TRAPPC9: variants seen among roughly 807,000 people sequenced by gnomAD.
TRAPPC9 encodes trafficking protein particle complex subunit 9.
A neutral mutation model predicts 124.0 loss-of-function variants in TRAPPC9; 83 were observed. The ratio of observed to expected loss-of-function variants is 0.67; its 90% CI spans 0.56 to 0.80. The LOEUF is 0.80. Ranked by LOEUF, TRAPPC9 falls within the 30% of genes least tolerant of loss-of-function variation. The pLI is 0.00. For missense variants in TRAPPC9, 1,302 were observed against 1,508.3 expected, an observed-to-expected ratio of 0.86 and a Z score of 2.27; for synonymous variants, 638 against 617.5, an observed-to-expected ratio of 1.03 and a Z score of -0.49.
intron 21 of TRAPPC9, among the ~76,000 whole-genome samples, chr8:139,822,319 G>A (rs901375938): frequency 6.6e-6 from 1 of 152,182 alleles, no homozygotes; most frequent in Non-Finnish European, 1.5e-5. Flanking sequence ...AGTGACATAT[G>A]AGGAGATGAT....
chr8:140,069,154 C>G (rs1417934308), intron 17 of TRAPPC9, among the ~76,000 whole-genome samples: 1 of 152,204 alleles, frequency 6.6e-6, no homozygotes, highest in Admixed American at 6.5e-5. Flanking sequence ...TTAAAGAATG[C>G]AAGCATAACA....
chr8:139,965,167 C>T (rs1350714164), intron 19 of TRAPPC9, among the ~76,000 whole-genome samples: 3 of 152,218 alleles, frequency 2.0e-5, no homozygotes, highest in African/African-American at 2.4e-5. Context: ...GCAAGGATGA[C>T]GGCCCATTCA....
chr8:140,309,714 C>T (rs771583930), intron 10 of TRAPPC9, among the ~76,000 whole-genome samples: 1 of 152,238 alleles, frequency 6.6e-6, no homozygotes, highest in Admixed American at 6.5e-5. Flanking sequence ...CAAATGCATT[C>T]GGCTCTAAGT....
In TRAPPC9 at chr8:139,729,269, G is replaced by A. The variant is rs1469523230; in HGVS notation, c.*1792C>T. Among the ~76,000 whole-genome samples the A allele has an allele frequency of 6.6e-6, 1 of 152,250 alleles. No homozygotes were observed. The highest frequency in any genetic ancestry group is 1.9e-4 in the East Asian group (1 of 5,198). On this transcript the variant is annotated 3_prime_UTR_variant, in exon 23 of 23. Transcript: ENST00000438773. ...GGGGGACATTGTCTACACAAGTGAG[G>A]TTGGGCTGAGCCCATCATCCTGCAA...
chr8:139,938,997 C>T lies in TRAPPC9; in HGVS notation c.2811-28697G>A, dbSNP rs1833723755. 3.3e-5 allele frequency among the ~76,000 whole-genome samples: 5 copies of T among 152,182 alleles called. No homozygotes were observed. In the South Asian group the frequency reaches 1.0e-3, roughly 32 times the overall value. On this transcript the variant is annotated intron_variant, in intron 19 of 22. Coordinates refer to ENST00000438773, the MANE Select transcript of TRAPPC9 (RefSeq NM_001160372.4). ...AGAAATAAGACAAATGAATAAAGTG[C>T]CATGTCCTCAGATTCAGCTCCTCCA...
intron 15 of TRAPPC9, among the ~76,000 whole-genome samples, chr8:140,268,749 C>T (rs1380136748): frequency 1.3e-5 from 2 of 152,150 alleles, no homozygotes; most frequent in Non-Finnish European, 2.9e-5. Flanking sequence ...CTGGAGAGAA[C>T]CACAGAAAAC....
intron 21 of TRAPPC9, among the ~76,000 whole-genome samples, chr8:139,775,123 C>G (rs1392054105): frequency 6.6e-6 from 1 of 152,174 alleles, no homozygotes; most frequent in African/African-American, 2.4e-5. Context: ...CTAGCCCTGA[C>G]TGGGCGGGAC....
intron 17 of TRAPPC9, among the ~76,000 whole-genome samples, chr8:140,184,437 TA>T (rs1461127811): frequency 6.6e-6 from 1 of 152,150 alleles, no homozygotes; most frequent in Non-Finnish European, 1.5e-5. Context: ...ATACCTTTAT[TA>T]TTTTTTTCTC....
intron 17 of TRAPPC9, among the ~76,000 whole-genome samples, chr8:140,052,120 C>G (rs1842037220): frequency 6.6e-6 from 1 of 152,098 alleles, no homozygotes; most frequent in South Asian, 2.1e-4. Flanking sequence ...AGGGGTGCGG[C>G]CTTCTGCATT....
At chr8:140,217,615 A>G (rs1587946788) in intron 17 of TRAPPC9, among the ~76,000 whole-genome samples, 1 of 152,112 alleles carries the variant, frequency 6.6e-6, no homozygotes, top group Non-Finnish European at 1.5e-5. Context: ...ACATGTAAAC[A>G]CCTGCTCCCC....
chr8:139,906,748 C>T (rs1233954988), intron 20 of TRAPPC9, among the ~76,000 whole-genome samples: 1 of 152,142 alleles, frequency 6.6e-6, no homozygotes, highest in Non-Finnish European at 1.5e-5. Flanking sequence ...GTACTCCCTT[C>T]GCTCAGGCCC....
At chr8:140,040,518 C>T (rs1841200439) in intron 17 of TRAPPC9, 1 of 152,372 alleles carries the variant, frequency 6.6e-6, no homozygotes, top group South Asian at 2.1e-4. Context: ...GCTCAGCCTC[C>T]CGAGTAGCTG....
chr8:139,910,479 A>G (rs1435296269), intron 19 of TRAPPC9, among the ~76,000 whole-genome samples, 179 bp from the exon 20 acceptor site: 1 of 152,214 alleles, frequency 6.6e-6, no homozygotes, highest in Admixed American at 6.5e-5. Context: ...CTGACTTCAG[A>G]GCTGGTTCAA....
chr8:139,772,924 C>T (rs1312246870), intron 21 of TRAPPC9, among the ~76,000 whole-genome samples: 2 of 152,268 alleles, frequency 1.3e-5, no homozygotes, highest in African/African-American at 2.4e-5. Context: ...GAAACCAATG[C>T]TGCCGACATT....
In TRAPPC9 at chr8:140,364,393, G is replaced by A. The variant is rs540781164; in HGVS notation, c.1352-4200C>T. Among the ~76,000 whole-genome samples, 18 of 150,636 alleles carry A rather than the reference G, an allele frequency of 1.2e-4. No homozygotes were observed. The East Asian group carries it at 3.3e-3, about 28-fold the overall frequency. On this transcript the variant is annotated intron_variant, in intron 8 of 22. Coordinates refer to ENST00000438773, the MANE Select transcript of TRAPPC9 (RefSeq NM_001160372.4). Reference sequence around the variant, plus strand: ...GGAATTCCATTCACAAGTGCACATAGAAATCTATTAAAATACACTTTCTTA... The same window carrying A: ...GGAATTCCATTCACAAGTGCACATAAAAATCTATTAAAATACACTTTCTTA...
rs2070435553 is a variant in TRAPPC9 at position 140,426,722 on chromosome 8, A to T, written c.860-81T>A. ...AATAACTACTAAAACACATTTCATA[A>T]TTCACATAGCCTAGAGAAAAATCTG... On this transcript the variant is annotated intron_variant, in intron 4 of 22. Transcript: ENST00000438773. 2.9e-6 allele frequency: 4 copies of T among 1,379,292 alleles called. No individual in the cohort carries two copies. The East Asian group carries it at 9.2e-5, about 32-fold the overall frequency. The allele number at this position is 1,379,292 out of a possible 1,614,324, so 85.4% of individuals were successfully genotyped here.
chr8:139,977,415 G>A (rs1483693540), intron 19 of TRAPPC9, among the ~76,000 whole-genome samples: 3 of 151,850 alleles, frequency 2.0e-5, no homozygotes, highest in African/African-American at 2.4e-5. Context: ...AGGTCAGATC[G>A]AGACCACCCT....
chr8:139,835,667 C>A (rs896947936), intron 21 of TRAPPC9, among the ~76,000 whole-genome samples: 11 of 151,782 alleles, frequency 7.2e-5, no homozygotes, highest in African/African-American at 2.7e-4. Flanking sequence ...AATCTGCTTT[C>A]TTTAATTAAG....
intron 21 of TRAPPC9, among the ~76,000 whole-genome samples, chr8:139,830,188 A>G (rs574839892): frequency 9.2e-5 from 14 of 152,248 alleles, no homozygotes; most frequent in Non-Finnish European, 1.9e-4. Flanking sequence ...ACACATGTAT[A>G]CAAACACATA....
Sources: gnomAD v4.1 joint callset for allele counts (sites outside exome capture counted in the v4.1 genomes callset) on GRCh38, gnomAD v4.1.1 for gene constraint, MANE v1.5 for transcripts, NCBI Gene and HGNC (gene_info 2026-07-23, HGNC 2026-07-21) for gene names.